GDA: variants seen among roughly 807,000 people sequenced by gnomAD.
The protein encoded by GDA is guanine deaminase.
GDA carries 18 observed loss-of-function variants against 59.6 expected under a neutral mutation model. That is an observed-to-expected ratio of 0.30 (90% CI 0.21 to 0.45). The LOEUF is 0.45. Ranked by LOEUF, GDA falls within the 20% of genes least tolerant of loss-of-function variation. The pLI, the probability that GDA is intolerant of heterozygous loss-of-function variation, is 1.00. For missense variants in GDA, 427 were observed against 552.3 expected (o/e 0.77, Z 2.27); for synonymous variants, 201 against 201.1 (o/e 1.00, Z 0.00).
At position 72,249,136 on chromosome 9, in the gene GDA, A is replaced by G; in HGVS notation, c.*794A>G. ...TTTTTGTGTACTTTAAAATCAACTT[A>G]TAACTGTGAGATGTTATTGCTTCCA... is the stretch of plus-strand genomic sequence containing the variant. On this transcript the variant is annotated 3_prime_UTR_variant, in exon 14 of 14. Transcript: ENST00000358399. 1 of 980,014 alleles carries G rather than the reference A, an allele frequency of 1.0e-6. No homozygotes were observed. Among genetic ancestry groups the G allele is most frequent in the Non-Finnish European group, 1.2e-6 (1 of 824,716 alleles). 60.7% of individuals were successfully genotyped at this position (980,014 alleles called of 1,614,324 possible). A position where few individuals can be genotyped will look rare whatever the true frequency, so the allele number is the denominator to read the frequency against.
chr9:72,240,046 T>C (rs889716958), intron 10 of GDA, among the ~76,000 whole-genome samples: 2 of 152,174 alleles, frequency 1.3e-5, no homozygotes, highest in Non-Finnish European at 2.9e-5. Context: ...TAAAACATAC[T>C]AACTTACTTG....
intron 2 of GDA, among the ~76,000 whole-genome samples, chr9:72,201,333 G>A (rs1342969965): frequency 2.0e-5 from 3 of 151,988 alleles, no homozygotes; most frequent in Admixed American, 6.6e-5. Flanking sequence ...TATGTAGAAC[G>A]CTGTGCCAGT....
chr9:72,214,505 G>C (rs1835839543), intron 5 of GDA, among the ~76,000 whole-genome samples: 1 of 151,346 alleles, frequency 6.6e-6, no homozygotes, highest in African/African-American at 2.4e-5. Context: ...TATGTTGGCT[G>C]GGCTGGTCTC....
At chr9:72,165,461 C>T (rs183529606) in intron 1 of GDA, among the ~76,000 whole-genome samples, 1,955 of 152,162 alleles carry the variant, frequency 0.013, 24 homozygotes, top group Non-Finnish European at 0.02. Flanking sequence ...GCATTATTTT[C>T]CTATAAATGT....
At chr9:72,144,495 A>G (rs1245887122), upstream of GDA, among the ~76,000 whole-genome samples, 1 of 152,204 alleles carries the variant, frequency 6.6e-6, no homozygotes, top group African/African-American at 2.4e-5. Context: ...GTAAGACAAT[A>G]TCTGTTTCAT....
chr9:72,187,263 T>A (rs1054566539), intron 1 of GDA, among the ~76,000 whole-genome samples: 1 of 152,204 alleles, frequency 6.6e-6, no homozygotes, highest in African/African-American at 2.4e-5. Flanking sequence ...TATTAAGAGG[T>A]GGGGCCTTTC....
chr9:72,243,820 G>C (rs373120461), intron 11 of GDA, among the ~76,000 whole-genome samples: 1 of 152,128 alleles, frequency 6.6e-6, no homozygotes, highest in East Asian at 1.9e-4. Context: ...AAAGGTAGTC[G>C]ATTCAATATT....
At chr9:72,199,310 G>T (rs967585939) in intron 2 of GDA, among the ~76,000 whole-genome samples, 2 of 152,022 alleles carry the variant, frequency 1.3e-5, no homozygotes, top group Admixed American at 1.3e-4. Context: ...CCTTGATTCT[G>T]GGAATCTTTT....
At chr9:72,248,197 A>T in intron 13 of GDA, 75 bp from the exon 14 acceptor site, 2 of 994,168 alleles carry the variant, frequency 2.0e-6, no homozygotes, top group South Asian at 2.6e-5. Flanking sequence ...TTTAAAAAAA[A>T]TCTCTCCCAA....
intron 1 of GDA, among the ~76,000 whole-genome samples, chr9:72,136,152 A>G (rs2130633571): frequency 6.6e-6 from 1 of 152,342 alleles, no homozygotes; most frequent in South Asian, 2.1e-4. Flanking sequence ...ATAGAAGAAA[A>G]CCATGAACAT....
intron 1 of GDA, among the ~76,000 whole-genome samples, chr9:72,170,724 TGTG>T (rs1287710681): frequency 2.0e-5 from 3 of 152,212 alleles, no homozygotes; most frequent in Non-Finnish European, 4.4e-5. Context: ...GAGTGCTTGC[TGTG>T]TACCGGCCCA....
intron 9 of GDA, among the ~76,000 whole-genome samples, chr9:72,229,490 G>C (rs1838072442): frequency 1.3e-5 from 2 of 152,170 alleles, no homozygotes; most frequent in African/African-American, 4.8e-5. Flanking sequence ...CTATTTAATA[G>C]AAAACTCAGG....
In GDA at chr9:72,209,178, T is replaced by C. The variant is rs556760112; in HGVS notation, c.385-1509T>C. On this transcript the variant is annotated intron_variant, in intron 3 of 13. Coordinates refer to ENST00000358399, the MANE Select transcript of GDA (RefSeq NM_004293.5). ...CAATTATATGCCTTACTTTGGGTTC[T>C]CTTTTTATTCCCTGTGCTGACAATT... Among the ~76,000 whole-genome samples, 3 of 152,208 alleles carry C rather than the reference T, an allele frequency of 2.0e-5. No homozygotes were observed. The East Asian group carries it at 5.8e-4, about 29-fold the overall frequency.
chr9:72,154,221 C>T (rs1426014038), intron 1 of GDA, among the ~76,000 whole-genome samples: 1 of 152,122 alleles, frequency 6.6e-6, no homozygotes, highest in African/African-American at 2.4e-5. Flanking sequence ...GACTTGGGTT[C>T]AGGTCAGAGT....
downstream of GDA, among the ~76,000 whole-genome samples, chr9:72,258,843 T>G (rs1166218704): frequency 6.6e-6 from 1 of 152,084 alleles, no homozygotes; most frequent in Non-Finnish European, 1.5e-5. Flanking sequence ...TGCTGCAGTG[T>G]GCCCCACCAT....
intron 1 of GDA, among the ~76,000 whole-genome samples, chr9:72,164,219 C>T (rs1176643199): frequency 6.6e-6 from 1 of 152,090 alleles, no homozygotes; most frequent in Non-Finnish European, 1.5e-5. Flanking sequence ...ACTAATTCCT[C>T]TTGTTGAGTT....
chr9:72,190,416 T>C (rs2131199726), intron 1 of GDA, among the ~76,000 whole-genome samples: 1 of 152,298 alleles, frequency 6.6e-6, no homozygotes, highest in East Asian at 1.9e-4. Flanking sequence ...CATGAGCCAC[T>C]TCACCCCGCC....
chr9:72,122,035 A>C (rs1316000226), intron 1 of GDA, among the ~76,000 whole-genome samples: 3 of 152,112 alleles, frequency 2.0e-5, no homozygotes, highest in African/African-American at 4.8e-5. Context: ...ATGTGTTGAG[A>C]TAGATCAGAC....
rs1447667409 is a variant in GDA, at chr9:72,137,208, A to ATT, written c.-100+22375_-100+22376insTT. Among the ~76,000 whole-genome samples the ATT allele has an allele frequency of 4.1e-3, 197 of 48,132 alleles. 1 individual carries two copies. The highest frequency in any genetic ancestry group is 0.012 in the African/African-American group (193 of 16,150). The allele number at this position is 48,132 out of a possible 152,430, so 31.6% of individuals were successfully genotyped here. ...AATTAAAAAATAAATAAATAAATTA[A>ATT]AAAAAAAAAAAATTAGGATCCTTTT... is the stretch of plus-strand genomic sequence containing the variant. On this transcript the variant is annotated intron_variant, in intron 1 of 13. Coordinates refer to the GDA transcript ENST00000545168.
Sources: gnomAD v4.1 joint callset for allele counts (sites outside exome capture counted in the v4.1 genomes callset) on GRCh38, gnomAD v4.1.1 for gene constraint, MANE v1.5 for transcripts, NCBI Gene and HGNC (gene_info 2026-07-23, HGNC 2026-07-21) for gene names.